The following RALYL variants were observed in gnomAD, a reference collection of about 807,000 sequenced individuals.
RALYL encodes the protein RALY RNA binding protein like, also known as RNA-binding Raly-like protein.
Under a neutral mutation model 35.1 loss-of-function variants are expected in RALYL, and 29 were observed. That is an observed-to-expected ratio of 0.83 (90% CI 0.61 to 1.13). RALYL has a LOEUF of 1.13. Among genes scored for constraint, RALYL ranks in the 50% most tolerant of loss-of-function variants. RALYL has a pLI of 0.00. For missense variants in RALYL, 359 were observed against 360.4 expected (o/e 1.00, Z 0.03); for synonymous variants, 120 against 127.6 (o/e 0.94, Z 0.40).
chr8:84,555,014 C>T (rs2060999473), intron 2 of RALYL, among the ~76,000 whole-genome samples: 1 of 152,184 alleles, frequency 6.6e-6, no homozygotes, highest in Non-Finnish European at 1.5e-5. Context: ...GGCACAGTGG[C>T]TCACGCCTGT....
At position 84,198,202 on chromosome 8, in the gene RALYL, A is replaced by C. The variant is rs1242488937; in HGVS notation, c.-24+13778A>C. On this transcript the variant is annotated intron_variant, in intron 1 of 8. Coordinates refer to ENST00000521268, the MANE Select transcript of RALYL (RefSeq NM_173848.7). The stretch of plus-strand genomic sequence containing the variant: ...CATAATTTCTCCAGCATGAAGGAGA[A>C]AGGACGTAACTGCTAAGAGCATATG... 2.0e-5 allele frequency among the ~76,000 whole-genome samples: 3 copies of C among 152,216 alleles called. No individual in the cohort carries two copies. The East Asian group carries it at 5.8e-4, about 29-fold the overall frequency.
At chr8:84,607,523 T>C (rs756770589) in intron 2 of RALYL, among the ~76,000 whole-genome samples, 62 of 152,130 alleles carry the variant, frequency 4.1e-4, no homozygotes, top group Non-Finnish European at 8.1e-4. Flanking sequence ...CTGACAGTTT[T>C]CTCCAATGTG....
At chr8:84,704,397 C>T (rs1421901714) in intron 2 of RALYL, among the ~76,000 whole-genome samples, 1 of 151,340 alleles carries the variant, frequency 6.6e-6, no homozygotes, top group Non-Finnish European at 1.5e-5. Flanking sequence ...TGTACTCCAG[C>T]CTAGGTAACA....
At chr8:84,492,631 C>A (rs778271103) in intron 1 of RALYL, among the ~76,000 whole-genome samples, 22 of 152,004 alleles carry the variant, frequency 1.4e-4, no homozygotes, top group Non-Finnish European at 2.4e-4. Context: ...TTTCACTAAC[C>A]TTTCAAATGC....
intron 1 of RALYL, among the ~76,000 whole-genome samples, chr8:84,449,787 T>C (rs1272743662): frequency 1.3e-5 from 2 of 152,072 alleles, no homozygotes; most frequent in Non-Finnish European, 2.9e-5. Flanking sequence ...ATCTAATCTT[T>C]TGAATTTGTT....
intron 2 of RALYL, among the ~76,000 whole-genome samples, chr8:84,630,933 A>C (rs1823785193): frequency 1.3e-5 from 2 of 152,068 alleles, no homozygotes; most frequent in South Asian, 4.1e-4. Context: ...GGAGAGCATC[A>C]GAAGATTGAA....
Position 84,410,147 on chromosome 8 carries a change from T to G in RALYL, c.-23-119152T>G, listed in dbSNP as rs566940872. Reference sequence around the variant, plus strand: ...GTTTTTAATTGTTAAACATGAAAAATACTCTGATAATTTAACTACTCCTAA... The same window carrying G: ...GTTTTTAATTGTTAAACATGAAAAAGACTCTGATAATTTAACTACTCCTAA... On this transcript the variant is annotated intron_variant, in intron 1 of 8. Transcript: ENST00000521268. 2.6e-4 allele frequency among the ~76,000 whole-genome samples: 40 copies of G among 152,060 alleles called. 2 individuals are homozygous for G. In the South Asian group the frequency reaches 8.3e-3, roughly 31 times the overall value.
At chr8:84,383,017 T>C (rs1286467331) in intron 1 of RALYL, among the ~76,000 whole-genome samples, 1 of 151,794 alleles carries the variant, frequency 6.6e-6, no homozygotes, top group African/African-American at 2.4e-5. Context: ...CATTATATTC[T>C]CAGTGTTTAA....
chr8:84,227,831 A>G (rs1824322328), intron 1 of RALYL, among the ~76,000 whole-genome samples: 1 of 152,090 alleles, frequency 6.6e-6, no homozygotes, highest in African/African-American at 2.4e-5. Context: ...TCAGAAAACA[A>G]TTTTTCCTCT....
chr8:84,572,802 A>G (rs1306127334), intron 2 of RALYL, among the ~76,000 whole-genome samples: 2 of 151,770 alleles, frequency 1.3e-5, no homozygotes, highest in Admixed American at 6.6e-5. Context: ...TAATGTACTT[A>G]TTATGGTTAC....
At chr8:84,622,109 A>C (rs954103696) in intron 2 of RALYL, among the ~76,000 whole-genome samples, 7 of 152,186 alleles carry the variant, frequency 4.6e-5, no homozygotes, top group African/African-American at 1.7e-4. Flanking sequence ...TCAGTTATAG[A>C]ATTGAGAAGG....
rs561783030 is a variant in RALYL at position 84,379,729 on chromosome 8, A to T, written c.-23-149570A>T. Reference sequence around the variant, plus strand: ...AATGTAAAAGCATCCAAACATATAGAAGTGCAAACAAGAGAATAATCATCT... The same window carrying T: ...AATGTAAAAGCATCCAAACATATAGTAGTGCAAACAAGAGAATAATCATCT... On this transcript the variant is annotated intron_variant, in intron 1 of 8. Coordinates refer to ENST00000521268, the MANE Select transcript of RALYL (RefSeq NM_173848.7). Among the ~76,000 whole-genome samples, 35 of 151,944 alleles carry T rather than the reference A, an allele frequency of 2.3e-4. No individual in the cohort carries two copies. The East Asian group carries it at 6.6e-3, about 29-fold the overall frequency.
chr8:84,264,088 T>A (rs1311092659), intron 1 of RALYL, among the ~76,000 whole-genome samples: 4 of 152,246 alleles, frequency 2.6e-5, no homozygotes, highest in African/African-American at 9.6e-5. Flanking sequence ...CATGCATGTA[T>A]CTTTGTAATA....
intron 2 of RALYL, among the ~76,000 whole-genome samples, chr8:84,683,542 T>A (rs1588986878): frequency 6.6e-6 from 1 of 152,204 alleles, no homozygotes; most frequent in East Asian, 1.9e-4. Context: ...TGGGTGCATA[T>A]AAGATTCATA....
At chr8:84,619,778 G>A (rs1820846256) in intron 2 of RALYL, among the ~76,000 whole-genome samples, 1 of 151,332 alleles carries the variant, frequency 6.6e-6, no homozygotes, top group Non-Finnish European at 1.5e-5. Context: ...AGCTCTTTTA[G>A]GGCAGGCCTG....
intron 2 of RALYL, among the ~76,000 whole-genome samples, chr8:84,539,868 ATATATATATG>A (rs2059894808): frequency 2.9e-4 from 2 of 6,830 alleles, no homozygotes; most frequent in African/African-American, 7.4e-4. Context: ...ATATATATAT[ATATATATATG>A]TATATATATG....
chr8:84,796,445 A>T (rs1435180923), intron 3 of RALYL, among the ~76,000 whole-genome samples: 1 of 152,226 alleles, frequency 6.6e-6, no homozygotes, highest in Admixed American at 6.5e-5. Context: ...TACATAAAGA[A>T]GACTCTTTCT....
chr8:84,535,098 A>G (rs918614294), intron 2 of RALYL, among the ~76,000 whole-genome samples: 3 of 152,146 alleles, frequency 2.0e-5, no homozygotes, highest in African/African-American at 7.2e-5. Context: ...CATCATTGTC[A>G]AAGTTCTTTC....
chr8:84,383,576 G>A (rs1280181570), intron 1 of RALYL, among the ~76,000 whole-genome samples: 1 of 151,482 alleles, frequency 6.6e-6, no homozygotes, highest in Admixed American at 6.6e-5. Flanking sequence ...ACTCCAGAGA[G>A]TTAAAAAAAA....
Sources: gnomAD v4.1 joint callset for allele counts (sites outside exome capture counted in the v4.1 genomes callset) on GRCh38, gnomAD v4.1.1 for gene constraint, MANE v1.5 for transcripts, NCBI Gene and HGNC (gene_info 2026-07-23, HGNC 2026-07-21) for gene names.